The following AK7 variants were observed in gnomAD, a reference collection of about 807,000 sequenced individuals.
AK7 encodes adenylate kinase 7.
Under a neutral mutation model 96.6 loss-of-function variants are expected in AK7, and 78 were observed. That is an observed-to-expected ratio of 0.81 (90% confidence interval 0.67 to 0.97). AK7 has a LOEUF of 0.97. Among genes scored for constraint, AK7 ranks in the 50% least tolerant of loss-of-function variants. The pLI is 0.00. For missense variants in AK7, 855 were observed against 887.9 expected (o/e 0.96, Z 0.47); for synonymous variants, 302 against 317.2 (o/e 0.95, Z 0.51).
At chr14:96,472,811 G>T in intron 14 of AK7, 56 bp downstream of exon 14, 1 of 1,460,382 alleles carries the variant, frequency 6.8e-7, no homozygotes, top group Non-Finnish European at 9.5e-7. Context: ...GCTGGGCGTG[G>T]TGGCTCACGC....
At position 96,451,582 on chromosome 14, in the gene AK7, T is replaced by C. The variant is rs760992535; in HGVS notation, c.1098+12T>C. ...GCAGAGGATTGATGGTAACTATCAC[T>C]GTTTCCCACTGAAACTTCTGATTCA... On this transcript the variant is annotated intron_variant, in intron 10 of 17. Transcript: ENST00000267584. 6.9e-7 allele frequency: 1 copy of C among 1,445,304 alleles called. No homozygotes were observed. Among genetic ancestry groups the C allele is most frequent in the Non-Finnish European group, 9.2e-7 (1 of 1,085,116 alleles). 89.5% of individuals were successfully genotyped at this position (1,445,304 alleles called of 1,614,324 possible).
chr14:96,398,457 A>G, intron 2 of AK7, 194 bp downstream of exon 2: 2 of 621,108 alleles, frequency 3.2e-6, no homozygotes, highest in Non-Finnish European at 5.6e-6. Context: ...GCCAAAGCAA[A>G]GAGTTTAAAT....
At chr14:96,403,861 A>C (rs2139994063) in intron 2 of AK7, among the ~76,000 whole-genome samples, 1 of 152,208 alleles carries the variant, frequency 6.6e-6, no homozygotes, top group East Asian at 1.9e-4. Flanking sequence ...CACAATGATC[A>C]ACAGCTGGAA....
chr14:96,402,482 T>C (rs1401087961), intron 2 of AK7, among the ~76,000 whole-genome samples: 1 of 152,222 alleles, frequency 6.6e-6, no homozygotes, highest in African/African-American at 2.4e-5. Flanking sequence ...TGCTGTATCT[T>C]CTTTCTCTTG....
chr14:96,472,167 T>C lies in AK7; in HGVS notation c.1487-520T>C, dbSNP rs551745327. ...TCCTTGTTGTTGCATATAGCAGAAT[T>C]TCCTTTAAAAAAAAAATAGACCATC... On this transcript the variant is annotated intron_variant, in intron 13 of 17. Coordinates refer to ENST00000267584, the MANE Select transcript of AK7 (RefSeq NM_152327.5). Among the ~76,000 whole-genome samples, 4 of 152,210 alleles carry C rather than the reference T, an allele frequency of 2.6e-5. No homozygotes were observed. The South Asian group carries it at 8.3e-4, about 32-fold the overall frequency.
At chr14:96,460,868 CT>C (rs1202438386) in intron 12 of AK7, among the ~76,000 whole-genome samples, 1 of 152,210 alleles carries the variant, frequency 6.6e-6, no homozygotes, top group Non-Finnish European at 1.5e-5. Flanking sequence ...TCCCCCGACC[CT>C]TTCCCTGAAG....
intron 11 of AK7, 96 bp downstream of exon 11, chr14:96,456,571 G>A: frequency 1.4e-6 from 2 of 1,438,706 alleles, no homozygotes; most frequent in Non-Finnish European, 1.9e-6. Flanking sequence ...CCAGCTGGAT[G>A]CAGTTTAGAT....
intron 5 of AK7, among the ~76,000 whole-genome samples, chr14:96,427,083 T>G (rs1389201959): frequency 6.6e-6 from 1 of 152,086 alleles, no homozygotes; most frequent in African/African-American, 2.4e-5. Context: ...CCGTCTCTAC[T>G]GAAAATACAA....
intron 12 of AK7, among the ~76,000 whole-genome samples, chr14:96,463,497 A>C (rs907483754): frequency 6.6e-6 from 1 of 151,844 alleles, no homozygotes; most frequent in African/African-American, 2.4e-5. Context: ...AGGCGGGCGG[A>C]TCACGAGGTC....
chr14:96,449,766 G>T, intron 8 of AK7, 36 bp from the exon 9 acceptor site: 1 of 1,526,106 alleles, frequency 6.6e-7, no homozygotes, highest in South Asian at 1.1e-5. Context: ...AAACCTTCCA[G>T]GTAAACCAAC....
At chr14:96,434,533 T>C (rs1029692597) in intron 5 of AK7, among the ~76,000 whole-genome samples, 1 of 152,010 alleles carries the variant, frequency 6.6e-6, no homozygotes, top group African/African-American at 2.4e-5. Context: ...CTGTGCTGGG[T>C]CAGACCTGAA....
At chr14:96,434,315 C>T (rs1443640178) in intron 5 of AK7, among the ~76,000 whole-genome samples, 1 of 152,234 alleles carries the variant, frequency 6.6e-6, no homozygotes, top group Admixed American at 6.5e-5. Flanking sequence ...ATAGAGGTAT[C>T]GCCTTGATAG....
Position 96,398,122 on chromosome 14 carries a change from G to C in AK7, c.153G>C (p.Glu51Asp). The part of the protein sequence containing the change: ...VVGASLEEIT[E>D]EEEEEDENKS... ...GGGCTTCGCTTGAAGAAATTACAGAGGAAGAGGAAGAGGAAGATGAAAATA... is the reference window on the plus strand; with the variant it reads ...GGGCTTCGCTTGAAGAAATTACAGACGAAGAGGAAGAGGAAGATGAAAATA... Residue 51 changes from glutamate (E) to aspartate (D), a missense_variant, in exon 2 of 18, where the codon GAG (glutamate) becomes GAC (aspartate). Coordinates refer to ENST00000267584, the MANE Select transcript of AK7 (RefSeq NM_152327.5). 1 of 1,612,304 alleles carries C rather than the reference G, an allele frequency of 6.2e-7. No individual in the cohort carries two copies. The highest frequency in any genetic ancestry group is 8.5e-7 in the Non-Finnish European group (1 of 1,178,438).
chr14:96,427,232 C>T (rs775928150), intron 5 of AK7, among the ~76,000 whole-genome samples: 2 of 152,024 alleles, frequency 1.3e-5, no homozygotes, highest in Non-Finnish European at 1.5e-5. Context: ...GCAACAAGAG[C>T]GAAACTCCGT....
intron 2 of AK7, chr14:96,398,597 A>G: frequency 9.7e-6 from 3 of 308,370 alleles, no homozygotes; most frequent in South Asian, 3.7e-5. Context: ...TGAAGGAGAA[A>G]TAGGCCAGGC....
At chr14:96,423,566 C>A in intron 5 of AK7, 1 of 485,544 alleles carries the variant, frequency 2.1e-6, no homozygotes. Flanking sequence ...CCTAAGCCAC[C>A]ATCTCAGTGC....
chr14:96,448,783 C>G (rs947599568), intron 8 of AK7, among the ~76,000 whole-genome samples: 2 of 151,866 alleles, frequency 1.3e-5, no homozygotes, highest in Admixed American at 1.3e-4. Context: ...TGGTGAAAAC[C>G]CTTCTCTACT....
intron 5 of AK7, among the ~76,000 whole-genome samples, chr14:96,426,498 T>C (rs1892037456): frequency 6.6e-6 from 1 of 152,234 alleles, no homozygotes; most frequent in Non-Finnish European, 1.5e-5. Context: ...GTACTTCCTA[T>C]TACCAGTGAG....
At chr14:96,415,762 C>T (rs1054606698) in intron 4 of AK7, among the ~76,000 whole-genome samples, 1 of 144,670 alleles carries the variant, frequency 6.9e-6, no homozygotes, top group Non-Finnish European at 1.5e-5. Flanking sequence ...TAATTTAATA[C>T]ATTAATTAAT....
Sources: gnomAD v4.1 joint callset for allele counts (sites outside exome capture counted in the v4.1 genomes callset) on GRCh38, gnomAD v4.1.1 for gene constraint, MANE v1.5 for transcripts, NCBI Gene and HGNC (gene_info 2026-07-23, HGNC 2026-07-21) for gene names.